The following UFD1 variants were observed in gnomAD, a reference collection of about 807,000 sequenced individuals.
UFD1 encodes the protein ubiquitin recognition factor in ER associated degradation 1.
UFD1 carries 13 observed loss-of-function variants against 45.9 expected under a neutral mutation model. The observed-to-expected ratio is 0.28, with a 90% confidence interval of 0.18 to 0.45. The LOEUF is 0.45. Among genes scored for constraint, UFD1 ranks in the 20% least tolerant of loss-of-function variants. The pLI is 1.00. For synonymous variants in UFD1, 128 were observed against 139.2 expected (o/e 0.92, Z 0.56); for missense variants, 218 against 389.2 (o/e 0.56, Z 3.70).
rs1310359194 is a variant in UFD1, at chr22:19,473,315, C to A, written c.170-1507G>T. ...CCCTGGGGCTCCCAGTCCCTCTGTA[C>A]CCCCTCACTTTCTCCAAAAAAAGCA... On this transcript the variant is annotated intron_variant, in intron 3 of 11. Coordinates refer to ENST00000263202, the MANE Select transcript of UFD1 (RefSeq NM_005659.7). Among the ~76,000 whole-genome samples the A allele has an allele frequency of 2.0e-5, 3 of 152,212 alleles. No individual in the cohort carries two copies. In the East Asian group the frequency reaches 5.8e-4, roughly 29 times the overall value.
In UFD1 at chr22:19,454,847, A is replaced by G; in HGVS notation, c.768-17T>C. 1 of 1,607,522 alleles carries G rather than the reference A, an allele frequency of 6.2e-7. No individual in the cohort carries two copies. The highest frequency in any genetic ancestry group is 8.5e-7 in the Non-Finnish European group (1 of 1,177,656). ...GGAATTCCTCTGTAAGAAGAGACAG[A>G]GACAGAGAAATGTTATTTCCAGGAA... On this transcript the variant is annotated splice_polypyrimidine_tract_variant and intron_variant, in intron 10 of 11. Coordinates refer to ENST00000263202, the MANE Select transcript of UFD1 (RefSeq NM_005659.7).
intron 4 of UFD1, 82 bp downstream of exon 4, chr22:19,471,605 G>T: frequency 6.4e-7 from 1 of 1,556,876 alleles, no homozygotes; most frequent in Non-Finnish European, 8.7e-7. Flanking sequence ...GGGGCCACCT[G>T]CTCCAGGGCC....
intron 11 of UFD1, chr22:19,454,178 C>T: frequency 1.0e-6 from 1 of 986,960 alleles, no homozygotes; most frequent in Non-Finnish European, 1.2e-6. Flanking sequence ...CAAGACAGAG[C>T]TCCTGACCCC....
At chr22:19,460,586 C>T (rs1417830776) in intron 6 of UFD1, among the ~76,000 whole-genome samples, 1 of 152,084 alleles carries the variant, frequency 6.6e-6, no homozygotes, top group Non-Finnish European at 1.5e-5. Flanking sequence ...GCCATGTGGT[C>T]CTCCTGCACA....
chr22:19,455,817 A>G (rs773030637), intron 9 of UFD1, 49 bp from the exon 10 acceptor site: 2 of 1,552,678 alleles, frequency 1.3e-6, no homozygotes, highest in Non-Finnish European at 1.8e-6. Flanking sequence ...TGTGAGGACG[A>G]TATGTCCTTT....
chr22:19,468,136 G>A lies in UFD1; in HGVS notation c.292-133C>T, dbSNP rs576793450. 376 of 1,228,156 alleles carry A rather than the reference G, an allele frequency of 3.1e-4. 8 individuals carry two copies. The South Asian group carries it at 4.7e-3, about 15-fold the overall frequency. 76.1% of individuals were successfully genotyped at this position (1,228,156 alleles called of 1,614,324 possible). Reference sequence around the variant, plus strand: ...GAACCTGAGCCAAGATAAGTAATTCGTGATACTATGTCAGGAAGGAGGGAA... The same window carrying A: ...GAACCTGAGCCAAGATAAGTAATTCATGATACTATGTCAGGAAGGAGGGAA... On this transcript the variant is annotated intron_variant, in intron 4 of 11. Transcript: ENST00000263202.
chr22:19,478,208 C>T (rs1301454537), intron 1 of UFD1, among the ~76,000 whole-genome samples: 1 of 152,080 alleles, frequency 6.6e-6, no homozygotes, highest in East Asian at 1.9e-4. Flanking sequence ...ATCCCGAGAC[C>T]TAGCACACTG....
intron 6 of UFD1, among the ~76,000 whole-genome samples, chr22:19,461,843 A>G (rs2089769404): frequency 6.6e-6 from 1 of 151,964 alleles, no homozygotes; most frequent in South Asian, 2.1e-4. Context: ...TCAAACTTCA[A>G]TTACACTTTT....
At chr22:19,452,758 C>G (rs1164327519) in intron 11 of UFD1, 1 of 152,502 alleles carries the variant, frequency 6.6e-6, no homozygotes, top group East Asian at 1.9e-4. Context: ...CTCCTGGGCT[C>G]AGATGATCTT....
intron 3 of UFD1, among the ~76,000 whole-genome samples, chr22:19,473,837 G>A (rs1232002006): frequency 1.3e-5 from 2 of 152,230 alleles, no homozygotes; most frequent in South Asian, 4.1e-4. Flanking sequence ...AGCCCGAGGT[G>A]AGTCACACCA....
At chr22:19,468,802 G>A (rs2089823077) in intron 4 of UFD1, among the ~76,000 whole-genome samples, 1 of 152,176 alleles carries the variant, frequency 6.6e-6, no homozygotes, top group Non-Finnish European at 1.5e-5. Context: ...CTCACACCCA[G>A]TCCCAAGCCA....
chr22:19,476,921 C>G (rs530796527), intron 1 of UFD1, among the ~76,000 whole-genome samples: 2 of 148,466 alleles, frequency 1.3e-5, no homozygotes, highest in South Asian at 4.3e-4. Context: ...GCAGAAGAAT[C>G]GCTTGAACCC....
chr22:19,475,559 TG>T lies in UFD1; in HGVS notation c.46del (p.Gln16LysfsTer16), dbSNP rs1568903691. ...MFDHPIPRVF[Q>X]NRFSTQYRCF... ...GCGGTACTGTGTGGAGAAGCGGTTT[TG>T]GAAGACCCTGGGAATAGGGTGGTCG... On this transcript the variant is annotated frameshift_variant, in exon 2 of 12. Coordinates refer to ENST00000263202, the MANE Select transcript of UFD1 (RefSeq NM_005659.7). LOFTEE classifies it high-confidence loss of function. The T allele has an allele frequency of 6.2e-7, 1 of 1,614,216 alleles. No homozygotes were observed. The highest frequency in any genetic ancestry group is 8.5e-7 in the Non-Finnish European group (1 of 1,180,042).
chr22:19,459,167 A>G (rs1162654620), intron 6 of UFD1, among the ~76,000 whole-genome samples: 2 of 152,354 alleles, frequency 1.3e-5, no homozygotes, highest in East Asian at 3.9e-4. Context: ...GACTGTCTGT[A>G]TACTCAAAAT....
At position 19,475,517 on chromosome 22, in the gene UFD1, A is replaced by G; in HGVS notation, c.89T>C (p.Met30Thr). The change falls in exon 2 of 12, where the codon ATG becomes ACG. Residue 30 changes from methionine (M) to threonine (T), a missense_variant. Transcript: ENST00000263202. ...TGACCTGTCATTAGGCCCTGCTAGC[A>G]TGGACACAGAGAAGCAGCGGTACTG... The part of the protein sequence containing the change: ...STQYRCFSVS[M>T]LAGPNDRSDV... 6.2e-7 allele frequency: 1 copy of G among 1,614,212 alleles called. No individual in the cohort carries two copies. The highest frequency in any genetic ancestry group is 8.5e-7 in the Non-Finnish European group (1 of 1,180,022).
chr22:19,473,162 C>T (rs1282761898), intron 3 of UFD1, among the ~76,000 whole-genome samples: 1 of 152,194 alleles, frequency 6.6e-6, no homozygotes, highest in Non-Finnish European at 1.5e-5. Flanking sequence ...AGCTGACATA[C>T]AGCTGGTCCA....
rs2089927248 is a variant in UFD1 at position 19,479,157 on chromosome 22, A to AGCCGCC, written c.-78_-73dup. 1 of 1,578,154 alleles carries AGCCGCC rather than the reference A, an allele frequency of 6.3e-7. No homozygotes were observed. Among genetic ancestry groups the AGCCGCC allele is most frequent in the Non-Finnish European group, 8.6e-7 (1 of 1,163,934 alleles). ...AAGAAACCCCGCCGACCGCTCTCCC[A>AGCCGCC]GCCGCCGCTGCCGCTGCCGCCGCGC... On this transcript the variant is annotated 5_prime_UTR_variant, in exon 1 of 12. Coordinates refer to ENST00000263202, the MANE Select transcript of UFD1 (RefSeq NM_005659.7).
At chr22:19,478,739 A>C (rs1193984061) in intron 1 of UFD1, 2 of 393,024 alleles carry the variant, frequency 5.1e-6, no homozygotes, top group East Asian at 1.1e-4. Flanking sequence ...TTCTGTTCCC[A>C]TCCCCAGCAA....
Position 19,455,745 on chromosome 22 carries a change from T to C in UFD1, c.702A>G (p.Arg234=), listed in dbSNP as rs145648128. The C allele has an allele frequency of 2.5e-6, 4 of 1,613,998 alleles. No individual in the cohort carries two copies. Among genetic ancestry groups the C allele is most frequent in the South Asian group, 2.2e-5 (2 of 91,074 alleles). Reference sequence around the variant, plus strand: ...CTACCCCTTTCTTCTTTCCATCCAGTCTATTGCCAGATCCAGAGAAAGCCT... The same window carrying C: ...CTACCCCTTTCTTCTTTCCATCCAGCCTATTGCCAGATCCAGAGAAAGCCT... ...GFRAFSGSGN[R]LDGKKKGVEP... The change falls in exon 10 of 12, where the codon AGA becomes AGG. Residue 234 remains arginine, a synonymous_variant. Coordinates refer to ENST00000263202, the MANE Select transcript of UFD1 (RefSeq NM_005659.7).
Sources: gnomAD v4.1 joint callset for allele counts (sites outside exome capture counted in the v4.1 genomes callset) on GRCh38, gnomAD v4.1.1 for gene constraint, MANE v1.5 for transcripts, NCBI Gene and HGNC (gene_info 2026-07-23, HGNC 2026-07-21) for gene names.